FAIM2: variants seen among roughly 807,000 people sequenced by gnomAD.
The protein encoded by FAIM2 is protein lifeguard 2.
Under a neutral mutation model 47.4 loss-of-function variants are expected in FAIM2, and 27 were observed. The ratio of observed to expected loss-of-function variants is 0.57; its 90% confidence interval spans 0.42 to 0.78. The LOEUF is 0.78. FAIM2 is among the 30% of genes least tolerant of loss of function. The pLI, the probability that FAIM2 is intolerant of heterozygous loss-of-function variation, is 0.00. For missense variants in FAIM2, 311 were observed against 389.4 expected (o/e 0.80, Z 1.69); for synonymous variants, 156 against 159.3 (o/e 0.98, Z 0.16).
At chr12:49,900,120 G>A (rs1946971573) in intron 2 of FAIM2, 1 of 1,012,240 alleles carries the variant, frequency 9.9e-7, no homozygotes, top group Non-Finnish European at 1.3e-6. Context: ...CGGCGGGTGT[G>A]TAGGGAAGGG....
At chr12:49,899,948 G>GGAAAT (rs1222854408) in intron 2 of FAIM2, among the ~76,000 whole-genome samples, 2 of 152,246 alleles carry the variant, frequency 1.3e-5, no homozygotes, top group Non-Finnish European at 2.9e-5. Flanking sequence ...CGAGGATATG[G>GGAAAT]GAAATGAGGA....
intron 11 of FAIM2, among the ~76,000 whole-genome samples, chr12:49,877,729 GGTAT>G (rs1449355204): frequency 7.4e-6 from 1 of 134,312 alleles, no homozygotes; most frequent in Non-Finnish European, 1.6e-5. Flanking sequence ...ACGGCATGTG[GGTAT>G]GTGTGTGCCT....
Position 49,870,634 on chromosome 12 carries a change from T to G in FAIM2, c.821A>C (p.Gln274Pro). The G allele has an allele frequency of 6.2e-7, 1 of 1,613,834 alleles. No individual in the cohort carries two copies. Among genetic ancestry groups the G allele is most frequent in the Non-Finnish European group, 8.5e-7 (1 of 1,179,958 alleles). The change falls in exon 12 of 12, where the codon CAG becomes CCG. Residue 274 changes from glutamine (Q) to proline (P), a missense_variant. By Grantham distance (76) the Gln-to-Pro change is moderately conservative. Coordinates refer to ENST00000320634, the MANE Select transcript of FAIM2 (RefSeq NM_012306.4). ...VFTLFLALDT[Q>P]LLMGNRRHSL... is the part of the protein sequence containing the mutation. ...GTGGCGTCGGTTACCCATCAGCAAC[T>G]GGGTGTCAAGTGCCAGGAACTGGGA...
intron 9 of FAIM2, 61 bp downstream of exon 9, chr12:49,889,420 A>C: frequency 6.7e-7 from 1 of 1,492,596 alleles, no homozygotes; most frequent in Non-Finnish European, 9.3e-7. Flanking sequence ...CCCCCACCCC[A>C]TCTGCCTTCC....
chr12:49,877,668 T>C (rs1946745833), intron 11 of FAIM2, among the ~76,000 whole-genome samples: 2 of 152,110 alleles, frequency 1.3e-5, no homozygotes, highest in South Asian at 4.1e-4. Flanking sequence ...TTAAATCCCT[T>C]GGACGCTGTG....
chr12:49,897,842 A>C (rs297936), intron 3 of FAIM2, 145 bp downstream of exon 3: 19,916 of 681,464 alleles, frequency 0.029, 1,138 homozygotes, highest in African/African-American at 0.19. Context: ...CACCTAAGGA[A>C]GCAATTCCTA....
rs137959693 is a variant in FAIM2 at position 49,899,840 on chromosome 12, C to A, written c.211+1290G>T. Reference sequence around the variant, plus strand: ...CTCCGAAACAAACCCAGACGCGAACCCTGTGCCCTGGCACACACTTAGTAA... The same window carrying A: ...CTCCGAAACAAACCCAGACGCGAACACTGTGCCCTGGCACACACTTAGTAA... On this transcript the variant is annotated intron_variant, in intron 2 of 11. Coordinates refer to ENST00000320634, the MANE Select transcript of FAIM2 (RefSeq NM_012306.4). Among the ~76,000 whole-genome samples the A allele has an allele frequency of 3.8e-3, 585 of 152,346 alleles. 3 individuals carry two copies. The highest frequency in any genetic ancestry group is 0.013 in the African/African-American group (534 of 41,580).
chr12:49,895,320 C>T (rs923065393), intron 5 of FAIM2, among the ~76,000 whole-genome samples: 13 of 152,218 alleles, frequency 8.5e-5, no homozygotes, highest in African/African-American at 3.1e-4. Flanking sequence ...TGCACCCTCC[C>T]AATCCCCCCA....
At chr12:49,897,897 G>A in intron 3 of FAIM2, 90 bp downstream of exon 3, 1 of 975,012 alleles carries the variant, frequency 1.0e-6, no homozygotes, top group Admixed American at 1.8e-5. Flanking sequence ...GGCAGGGATG[G>A]CTTCTGCAGG....
chr12:49,891,195 T>C (rs1946897697), intron 5 of FAIM2, 81 bp from the exon 6 acceptor site: 2 of 1,338,412 alleles, frequency 1.5e-6, no homozygotes, highest in East Asian at 2.3e-5. Flanking sequence ...TGCCACTCTC[T>C]GCCACCCCCA....
At position 49,901,155 on chromosome 12, in the gene FAIM2, G is replaced by A. The variant is rs758888626; in HGVS notation, c.186C>T (p.His62=). The A allele has an allele frequency of 6.2e-7, 1 of 1,605,576 alleles. No homozygotes were observed. ...FPPAPTAVPL[H]PSWAYVDPSS... ...TGGGGTCCACATAGGCCCAGCTAGG[G>A]TGGAGAGGCACCGCTGTGGGGGCTG... Residue 62 remains histidine (H), a synonymous_variant, in exon 2 of 12, where the codon CAC becomes CAT. Transcript: ENST00000320634.
At chr12:49,903,233 G>C (rs976130944) in intron 1 of FAIM2, among the ~76,000 whole-genome samples, 2 of 152,232 alleles carry the variant, frequency 1.3e-5, no homozygotes, top group Non-Finnish European at 2.9e-5. Context: ...ACAACAATTA[G>C]AGCATCTTGA....
chr12:49,891,219 C>T (rs1946897890), intron 5 of FAIM2, 105 bp from the exon 6 acceptor site: 5 of 1,056,572 alleles, frequency 4.7e-6, no homozygotes, highest in Middle Eastern at 4.1e-4. Context: ...ACAGGGCAGC[C>T]AGGAGGGACA....
Position 49,889,184 on chromosome 12 carries a change from G to C in FAIM2, c.670C>G (p.Gln224Glu). ...FQTKFDFTSC[Q>E]GVLFVLLMTL... ...ATGAGAAGCACGAAGAGCACGCCCT[G>C]GCAGGAGGTGAAGTCGAACTGTGGG... The change falls in exon 10 of 12, where the codon CAG (glutamine) becomes GAG (glutamate). Residue 224 changes from glutamine (Q) to glutamate (E), a missense_variant. Coordinates refer to ENST00000320634, the MANE Select transcript of FAIM2 (RefSeq NM_012306.4). 1 of 1,611,494 alleles carries C rather than the reference G, an allele frequency of 6.2e-7. No homozygotes were observed. Among genetic ancestry groups the C allele is most frequent in the Non-Finnish European group, 8.5e-7 (1 of 1,178,862 alleles).
intron 11 of FAIM2, among the ~76,000 whole-genome samples, chr12:49,886,896 C>T (rs1324449244): frequency 6.6e-6 from 1 of 152,152 alleles, no homozygotes; most frequent in African/African-American, 2.4e-5. Context: ...TTACTGTTAT[C>T]CTAACCGTAA....
intron 11 of FAIM2, among the ~76,000 whole-genome samples, chr12:49,880,288 G>C (rs1262835751): frequency 6.8e-6 from 1 of 147,040 alleles, no homozygotes; most frequent in Non-Finnish European, 1.5e-5. Context: ...ATGCATATGA[G>C]TGTATCTGTG....
chr12:49,878,113 TGTGG>T (rs1398641248), intron 11 of FAIM2, among the ~76,000 whole-genome samples: 1 of 135,490 alleles, frequency 7.4e-6, no homozygotes, highest in African/African-American at 2.9e-5. Flanking sequence ...CATGTGTGTA[TGTGG>T]GTATGTGTGC....
chr12:49,878,992 G>C (rs1946773319), intron 11 of FAIM2, among the ~76,000 whole-genome samples: 1 of 134,992 alleles, frequency 7.4e-6, no homozygotes, highest in Non-Finnish European at 1.6e-5. Context: ...GCATATGAGT[G>C]TATCTGTGTA....
chr12:49,890,977 G>A, intron 6 of FAIM2, 87 bp downstream of exon 6: 1 of 1,345,276 alleles, frequency 7.4e-7, no homozygotes, highest in Non-Finnish European at 1.1e-6. Context: ...GGGCTGCACA[G>A]CTCACTGGTG....
Sources: gnomAD v4.1 joint callset for allele counts (sites outside exome capture counted in the v4.1 genomes callset) on GRCh38, gnomAD v4.1.1 for gene constraint, MANE v1.5 for transcripts, NCBI Gene and HGNC (gene_info 2026-07-23, HGNC 2026-07-21) for gene names.